The following CCDC186 variants were observed in gnomAD, a reference collection of about 807,000 sequenced individuals.
CCDC186 encodes the protein coiled-coil domain-containing protein 186.
Under a neutral mutation model 113.7 loss-of-function variants are expected in CCDC186, and 49 were observed. The ratio of observed to expected loss-of-function variants is 0.43; its 90% CI spans 0.34 to 0.55. CCDC186 has a LOEUF of 0.55. Ranked by LOEUF, CCDC186 falls within the 20% of genes least tolerant of loss-of-function variation. CCDC186 has a pLI of 0.02. For synonymous variants in CCDC186, 355 were observed against 345.8 expected (o/e 1.03, Z -0.30); for missense variants, 890 against 1,011.1 (o/e 0.88, Z 1.62).
chr10:114,166,367 A>G (rs940160192), intron 1 of CCDC186, among the ~76,000 whole-genome samples: 2 of 152,310 alleles, frequency 1.3e-5, no homozygotes, highest in Admixed American at 1.3e-4. Context: ...TCTGAAGTCT[A>G]TGTTTAAAGG....
chr10:114,130,602 A>G (rs1442094008), intron 12 of CCDC186: 1 of 152,226 alleles, frequency 6.6e-6, no homozygotes, highest in Non-Finnish European at 1.5e-5. Flanking sequence ...CCAGGTGAAG[A>G]GTTAAGTCGC....
chr10:114,129,534 CTATTTATT>C (rs1248865188), intron 13 of CCDC186, among the ~76,000 whole-genome samples: 1 of 151,830 alleles, frequency 6.6e-6, no homozygotes, highest in Admixed American at 6.6e-5. Flanking sequence ...ATAAAAAATG[CTATTTATT>C]TATTTATTTT....
chr10:114,149,339 G>T (rs550148424), intron 4 of CCDC186, among the ~76,000 whole-genome samples: 1 of 151,568 alleles, frequency 6.6e-6, no homozygotes, highest in East Asian at 1.9e-4. Flanking sequence ...GAGGAAAAAA[G>T]AAAAAAACAC....
intron 5 of CCDC186, among the ~76,000 whole-genome samples, chr10:114,145,245 T>G (rs2031597768): frequency 6.6e-6 from 1 of 152,170 alleles, no homozygotes; most frequent in East Asian, 1.9e-4. Context: ...AATCTTCCCT[T>G]GAGATGCAAA....
At chr10:114,169,671 A>C (rs2032438035) in intron 1 of CCDC186, among the ~76,000 whole-genome samples, 1 of 152,214 alleles carries the variant, frequency 6.6e-6, no homozygotes, top group Non-Finnish European at 1.5e-5. Flanking sequence ...TACCTACATC[A>C]AAAGAGTTTG....
At chr10:114,138,105 T>G (rs1589613366) in intron 6 of CCDC186, among the ~76,000 whole-genome samples, 4 of 107,620 alleles carry the variant, frequency 3.7e-5, no homozygotes, top group Admixed American at 2.2e-4. Flanking sequence ...CCAGGCATGG[T>G]GGTGGGCACC....
chr10:114,165,967 C>A (rs2119819140), intron 1 of CCDC186: 1 of 977,854 alleles, frequency 1.0e-6, no homozygotes, highest in East Asian at 1.1e-4. Flanking sequence ...TTTGTGACTT[C>A]ATTTTTTTTT....
chr10:114,161,186 T>C (rs2032157653), intron 2 of CCDC186, among the ~76,000 whole-genome samples: 1 of 152,244 alleles, frequency 6.6e-6, no homozygotes, highest in Admixed American at 6.5e-5. Context: ...TCATTTCTAA[T>C]AACCGTATTT....
intron 9 of CCDC186, among the ~76,000 whole-genome samples, chr10:114,135,382 T>A (rs1463007415): frequency 6.6e-6 from 1 of 152,108 alleles, no homozygotes; most frequent in African/African-American, 2.4e-5. Context: ...GACCTCAAAT[T>A]CAGGGTGGTT....
chr10:114,162,225 G>C (rs935104876), intron 2 of CCDC186: 1 of 154,522 alleles, frequency 6.5e-6, no homozygotes, highest in Non-Finnish European at 1.4e-5. Flanking sequence ...TTTACTGAAC[G>C]ATAATCAATT....
chr10:114,174,153 C>T lies in CCDC186; in HGVS notation c.-200G>A, dbSNP rs2032628422. The T allele has an allele frequency of 4.3e-6, 2 of 469,152 alleles. No homozygotes were observed. The highest frequency in any genetic ancestry group is 2.0e-5 in the African/African-American group (1 of 50,064). 29.1% of individuals were successfully genotyped at this position (469,152 alleles called of 1,614,324 possible). On this transcript the variant is annotated 5_prime_UTR_variant, in exon 1 of 16. It adds an upstream start codon to the 5' untranslated region. Coordinates refer to ENST00000369287, the MANE Select transcript of CCDC186 (RefSeq NM_018017.4). ...GGTGAGAAACACAGCCGACGCCTCA[C>T]TCAGCGGCCGTTTCCCCAAACCCCT...
chr10:114,148,872 A>G (rs554450820), intron 4 of CCDC186, among the ~76,000 whole-genome samples: 3 of 152,386 alleles, frequency 2.0e-5, no homozygotes, highest in African/African-American at 7.2e-5. Context: ...GGAAACCTCA[A>G]TCTGGAAATT....
chr10:114,172,745 C>T (rs899579724), intron 1 of CCDC186, among the ~76,000 whole-genome samples: 2 of 152,028 alleles, frequency 1.3e-5, no homozygotes, highest in Non-Finnish European at 2.9e-5. Flanking sequence ...ATGAAAAGAC[C>T]AGAAATAAAA....
At chr10:114,151,661 C>G (rs753357238) in intron 3 of CCDC186, among the ~76,000 whole-genome samples, 1 of 152,210 alleles carries the variant, frequency 6.6e-6, no homozygotes, top group Admixed American at 6.5e-5. Context: ...ATCCCTTTGT[C>G]CAGCATGTCT....
rs562014071 is a variant in CCDC186 at position 114,136,131 on chromosome 10, A to G, written c.1425+17T>C. ...TTATTATGCAACTTAGGATATATAA[A>G]GAGCAAAACTACTCACCTCTAGCTG... On this transcript the variant is annotated intron_variant, in intron 8 of 15. Transcript: ENST00000369287. 2 of 1,597,726 alleles carry G rather than the reference A, an allele frequency of 1.3e-6. No individual in the cohort carries two copies. Among genetic ancestry groups the G allele is most frequent in the Non-Finnish European group, 1.7e-6 (2 of 1,166,274 alleles).
intron 2 of CCDC186, among the ~76,000 whole-genome samples, chr10:114,159,640 CAAAA>C (rs34339225): frequency 5.0e-3 from 279 of 55,478 alleles, no homozygotes; most frequent in African/African-American, 0.016. Flanking sequence ...GACTCCGTCT[CAAAA>C]AAAAAAAAAA....
At chr10:114,135,239 T>G (rs1019192221) in intron 9 of CCDC186, among the ~76,000 whole-genome samples, 184 bp from the exon 10 acceptor site, 5 of 152,134 alleles carry the variant, frequency 3.3e-5, no homozygotes, top group African/African-American at 1.2e-4. Context: ...TCATGGGAGT[T>G]TTAGCATGTC....
chr10:114,146,258 C>A (rs1398111027), intron 4 of CCDC186, among the ~76,000 whole-genome samples: 1 of 152,194 alleles, frequency 6.6e-6, no homozygotes, highest in Non-Finnish European at 1.5e-5. Flanking sequence ...TATACAACTA[C>A]CCTCTGGGGT....
chr10:114,164,872 C>A (rs2032290707), intron 1 of CCDC186, among the ~76,000 whole-genome samples: 1 of 152,132 alleles, frequency 6.6e-6, no homozygotes, highest in Non-Finnish European at 1.5e-5. Context: ...GAAGGCTAAG[C>A]AGGAGTGAAT....
Sources: gnomAD v4.1 joint callset for allele counts (sites outside exome capture counted in the v4.1 genomes callset) on GRCh38, gnomAD v4.1.1 for gene constraint, MANE v1.5 for transcripts, NCBI Gene and HGNC (gene_info 2026-07-23, HGNC 2026-07-21) for gene names.